The following ZNF677 variants were observed in gnomAD, a reference collection of about 807,000 sequenced individuals.
ZNF677 encodes hypothetical protein MGC48625.
A neutral mutation model predicts 8.1 loss-of-function variants in ZNF677; 5 were observed. The observed-to-expected ratio is 0.62, with a 90% CI of 0.32 to 1.29. The LOEUF is 1.29. ZNF677 is among the 50% of genes most tolerant of loss of function. The probability of loss-of-function intolerance (pLI) is 0.05; values close to 1 mark genes in which losing one functional copy is unlikely to be tolerated. For missense variants in ZNF677, 685 were observed against 685.9 expected (o/e 1.00, Z 0.01); for synonymous variants, 221 against 225.6 (o/e 0.98, Z 0.18).
chr19:53,237,843 T>C lies in ZNF677; in HGVS notation c.884A>G (p.Glu295Gly). ...HSGQRPYKCNECGKAFNQCSN... is the reference protein window; with the variant it reads ...HSGQRPYKCNGCGKAFNQCSN... ...ACACTGGTTAAAGGCTTTGCCACAC[T>C]CGTTACATTTGTAAGGTCTCTGTCC... is the stretch of plus-strand genomic sequence containing the variant. Residue 295 changes from glutamate (E) to glycine (G), a missense_variant, in exon 5 of 5, where the codon GAG becomes GGG. Glu to Gly is a moderately conservative substitution (Grantham distance 98). Transcript: ENST00000598513. The C allele has an allele frequency of 6.2e-7, 1 of 1,613,490 alleles. No individual in the cohort carries two copies. Among genetic ancestry groups the C allele is most frequent in the Non-Finnish European group, 8.5e-7 (1 of 1,179,678 alleles).
chr19:53,251,605 T>A lies in ZNF677; in HGVS notation c.-55A>T. ...TGAGTTTCTTTCTCAGGTAAGTCAG[T>A]CTGTATGTCAAAAATATGTTGTTTA... On this transcript the variant is annotated splice_region_variant and 5_prime_UTR_variant, in exon 3 of 5. The change abolishes the stop of an existing upstream ORF in the 5' untranslated region. Coordinates refer to ENST00000598513, the MANE Select transcript of ZNF677 (RefSeq NM_182609.4). 1 of 1,611,288 alleles carries A rather than the reference T, an allele frequency of 6.2e-7. No individual in the cohort carries two copies. The highest frequency in any genetic ancestry group is 1.1e-5 in the South Asian group (1 of 90,724).
chr19:53,238,507 T>C lies in ZNF677; in HGVS notation c.220A>G (p.Lys74Glu). The C allele has an allele frequency of 1.9e-6, 3 of 1,598,314 alleles. No homozygotes were observed. The South Asian group carries it at 3.4e-5, about 18-fold the overall frequency. Residue 74 changes from lysine (K) to glutamate (E), a missense_variant, in exon 5 of 5, where the codon AAA becomes GAA. By Grantham distance (56) the Lys-to-Glu change is moderately conservative (BLOSUM62 1). Transcript: ENST00000598513. The part of the protein sequence containing the change: ...SKGLSPKENN[K>E]EELYHLVILE... ...ATCACCAGATGGTATAATTCCTCTT[T>C]ATTATTTTCCTTTGGTGATAATCCC...
intron 2 of ZNF677, 171 bp from the exon 3 acceptor site, chr19:53,251,776 G>A (rs568705024): frequency 5.6e-5 from 30 of 536,764 alleles, no homozygotes; most frequent in African/African-American, 5.1e-4. Context: ...AGAGACTAAG[G>A]AGTTATTCCA....
intron 3 of ZNF677, among the ~76,000 whole-genome samples, chr19:53,247,473 A>C (rs570841225): frequency 2.0e-5 from 3 of 152,274 alleles, no homozygotes; most frequent in African/African-American, 7.2e-5. Context: ...ATCCTGAGCC[A>C]CATGCAGTCT....
At chr19:53,243,634 C>A in intron 4 of ZNF677, 110 bp downstream of exon 4, 1 of 1,455,766 alleles carries the variant, frequency 6.9e-7, no homozygotes, top group Non-Finnish European at 9.4e-7. Flanking sequence ...CACTCTCAAT[C>A]AAAAAGTTTC....
intron 3 of ZNF677, chr19:53,249,187 T>C (rs1358514215): frequency 2.6e-5 from 4 of 152,252 alleles, no homozygotes; most frequent in Admixed American, 1.3e-4. Flanking sequence ...TACTTTCCTT[T>C]AGTTCTTTGT....
At chr19:53,243,687 T>C (rs1408690220) in intron 4 of ZNF677, 57 bp downstream of exon 4, 1 of 1,611,164 alleles carries the variant, frequency 6.2e-7, no homozygotes, top group East Asian at 2.2e-5. Flanking sequence ...GACAAGCACA[T>C]CAGGGCCTCC....
chr19:53,236,368 TA>T lies in ZNF677; in HGVS notation c.*603del, dbSNP rs1162434713. 6.6e-6 allele frequency: 1 copy of T among 152,192 alleles called. No individual in the cohort carries two copies. Among genetic ancestry groups the T allele is most frequent in the Non-Finnish European group, 1.5e-5 (1 of 68,042 alleles). 9.4% of individuals were successfully genotyped at this position (152,192 alleles called of 1,614,324 possible). Reference sequence around the variant, plus strand: ...TTAACAGCAACAGATTTCATACTTTTAAAAATATGAAATAACTGAATAAAAA... The same window carrying T: ...TTAACAGCAACAGATTTCATACTTTTAAAATATGAAATAACTGAATAAAAA... On this transcript the variant is annotated 3_prime_UTR_variant, in exon 5 of 5. Coordinates refer to ENST00000598513, the MANE Select transcript of ZNF677 (RefSeq NM_182609.4).
In ZNF677 at chr19:53,237,172, C is replaced by G; in HGVS notation, c.1555G>C (p.Glu519Gln). The G allele has an allele frequency of 6.2e-7, 1 of 1,612,770 alleles. No homozygotes were observed. Among genetic ancestry groups the G allele is most frequent in the Non-Finnish European group, 8.5e-7 (1 of 1,179,288 alleles). ...HTGEKPYKCTECGKAFTQFAN... is the reference protein window; with the variant it reads ...HTGEKPYKCTQCGKAFTQFAN... ...AATTGGGTAAAAGCTTTGCCACATT[C>G]AGTACATTTGTAAGGTTTCTCTCCA... Residue 519 changes from glutamate (E) to glutamine (Q), a missense_variant, in exon 5 of 5, where the codon GAA (glutamate) becomes CAA (glutamine). Coordinates refer to ENST00000598513, the MANE Select transcript of ZNF677 (RefSeq NM_182609.4).
At position 53,237,291 on chromosome 19, in the gene ZNF677, C is replaced by T; in HGVS notation, c.1436G>A (p.Arg479Lys). The T allele has an allele frequency of 1.2e-6, 2 of 1,613,548 alleles. No individual in the cohort carries two copies. The highest frequency in any genetic ancestry group is 1.1e-5 in the South Asian group (1 of 91,008). Residue 479 changes from arginine to lysine, a missense_variant, in exon 5 of 5, where the codon AGA (arginine) becomes AAA (lysine). Coordinates refer to ENST00000598513, the MANE Select transcript of ZNF677 (RefSeq NM_182609.4). The stretch of plus-strand genomic sequence containing the variant: ...GTAAGGTTTCTCTCCAGTATGAGTT[C>T]TCTGATGACCCCAAAGGTGTGAACG... ...IKRSHLWGHQ[R>K]THTGEKPYKC...
chr19:53,254,683 G>A (rs1401444485), intron 1 of ZNF677, 151 bp downstream of exon 1: 1 of 152,502 alleles, frequency 6.6e-6, no homozygotes, highest in African/African-American at 2.4e-5. Context: ...CTCTCGGAGC[G>A]ACGGGACTGG....
At chr19:53,251,368 G>T (rs1467790645) in intron 3 of ZNF677, among the ~76,000 whole-genome samples, 168 bp downstream of exon 3, 1 of 152,096 alleles carries the variant, frequency 6.6e-6, no homozygotes, top group Non-Finnish European at 1.5e-5. Context: ...CCGTGTTACC[G>T]GGTCACAGTG....
intron 3 of ZNF677, among the ~76,000 whole-genome samples, chr19:53,245,740 G>A (rs1437666645): frequency 5.9e-5 from 9 of 152,170 alleles, no homozygotes; most frequent in Admixed American, 1.3e-4. Flanking sequence ...TAGGCCGGGC[G>A]CAGTGGCTCA....
rs1448141285 is a variant in ZNF677, at chr19:53,236,799, T to A, written c.*173A>T. The stretch of plus-strand genomic sequence containing the variant: ...TGTAAGGCTTCTCTACAGTAAGAAT[T>A]CTATGATGTTCCACAAGGCTTGAAC... On this transcript the variant is annotated 3_prime_UTR_variant, in exon 5 of 5. Transcript: ENST00000598513. The A allele has an allele frequency of 1.9e-6, 1 of 535,064 alleles. No homozygotes were observed. The highest frequency in any genetic ancestry group is 3.2e-5 in the East Asian group (1 of 31,380). 33.1% of individuals were successfully genotyped at this position (535,064 alleles called of 1,614,324 possible).
chr19:53,238,262 T>G lies in ZNF677; in HGVS notation c.465A>C (p.Ala155=), dbSNP rs745693865. 6.2e-7 allele frequency: 1 copy of G among 1,614,058 alleles called. No individual in the cohort carries two copies. Among genetic ancestry groups the G allele is most frequent in the Admixed American group, 1.7e-5 (1 of 60,032 alleles). The part of the protein sequence containing the change: ...LKQSVSIRDS[A]HQYFIHDKPF... ...GCTTGTCATGGATGAAATACTGGTGTGCACTATCTCTTATAGAAACACTCT... is the reference window on the plus strand; with the variant it reads ...GCTTGTCATGGATGAAATACTGGTGGGCACTATCTCTTATAGAAACACTCT... The change falls in exon 5 of 5, where the codon GCA becomes GCC. Residue 155 remains alanine, a synonymous_variant. Coordinates refer to ENST00000598513, the MANE Select transcript of ZNF677 (RefSeq NM_182609.4).
At position 53,251,569 on chromosome 19, in the gene ZNF677, T is replaced by G; in HGVS notation, c.-19A>C. 1 of 1,613,900 alleles carries G rather than the reference T, an allele frequency of 6.2e-7. No individual in the cohort carries two copies. The highest frequency in any genetic ancestry group is 8.5e-7 in the Non-Finnish European group (1 of 1,179,864). ...GAGCCATTCCCTCCTCTTCTTTCTTTCCTCTTCCTCTGAGTTTCTTTCTCA... is the reference window on the plus strand; with the variant it reads ...GAGCCATTCCCTCCTCTTCTTTCTTGCCTCTTCCTCTGAGTTTCTTTCTCA... On this transcript the variant is annotated 5_prime_UTR_variant, in exon 3 of 5. Coordinates refer to ENST00000598513, the MANE Select transcript of ZNF677 (RefSeq NM_182609.4).
Position 53,236,879 on chromosome 19 carries a change from A to G in ZNF677, c.*93T>C. On this transcript the variant is annotated 3_prime_UTR_variant, in exon 5 of 5. Coordinates refer to ENST00000598513, the MANE Select transcript of ZNF677 (RefSeq NM_182609.4). ...TTTGTGTGGTTTATCTCAAAGATGT[A>G]TATTCTGGTATCAAGTGAGACATAA... The G allele has an allele frequency of 2.6e-6, 3 of 1,160,174 alleles. No homozygotes were observed. Among genetic ancestry groups the G allele is most frequent in the Non-Finnish European group, 2.4e-6 (2 of 840,980 alleles). The allele number at this position is 1,160,174 out of a possible 1,614,324, so 71.9% of individuals were successfully genotyped here.
intron 2 of ZNF677, 157 bp from the exon 3 acceptor site, chr19:53,251,762 A>G (rs45575234): frequency 0.27 from 151,622 of 569,578 alleles, 23,602 homozygotes; most frequent in African/African-American, 0.55. Context: ...ATTAACTCCT[A>G]AACAGAGACT....
chr19:53,249,720 A>AT (rs199581546), intron 3 of ZNF677, among the ~76,000 whole-genome samples: 5,792 of 151,752 alleles, frequency 0.038, 323 homozygotes, highest in African/African-American at 0.12. Context: ...TATCATAAAA[A>AT]ATATATATAT....
Sources: gnomAD v4.1 joint callset for allele counts (sites outside exome capture counted in the v4.1 genomes callset) on GRCh38, gnomAD v4.1.1 for gene constraint, MANE v1.5 for transcripts, NCBI Gene and HGNC (gene_info 2026-07-23, HGNC 2026-07-21) for gene names.